The following ADH7 variants were observed in gnomAD, a reference collection of about 807,000 sequenced individuals.
ADH7 encodes the protein alcohol dehydrogenase 7 (class IV), mu or sigma polypeptide.
In ADH7, 41 loss-of-function variants were observed where a neutral mutation model predicts 34.4. The observed-to-expected ratio is 1.19, with a 90% CI of 0.93 to 1.55. The LOEUF is 1.55. Ranked by LOEUF, ADH7 falls within the 40% of genes most tolerant of loss-of-function variation. ADH7 has a pLI of 0.00. For synonymous variants in ADH7, 180 were observed against 160.9 expected (o/e 1.12, Z -0.90); for missense variants, 540 against 461.2 (o/e 1.17, Z -1.56).
intron 1 of ADH7, among the ~76,000 whole-genome samples, chr4:99,430,476 G>T (rs899502131): frequency 6.6e-5 from 10 of 152,162 alleles, no homozygotes; most frequent in Non-Finnish European, 1.3e-4. Context: ...CTCCCAATCT[G>T]TCTAGGACTC....
At chr4:99,421,945 C>A (rs927142156) in intron 5 of ADH7, among the ~76,000 whole-genome samples, 4 of 152,208 alleles carry the variant, frequency 2.6e-5, no homozygotes, top group African/African-American at 9.7e-5. Flanking sequence ...ATCAAAACCA[C>A]CGTGTGATAC....
At chr4:99,434,800 C>T (rs976194233) in intron 1 of ADH7, among the ~76,000 whole-genome samples, 1 of 152,022 alleles carries the variant, frequency 6.6e-6, no homozygotes, top group Non-Finnish European at 1.5e-5. Context: ...ATGGCAGGAA[C>T]GTTTCTTCCA....
intron 1 of ADH7, among the ~76,000 whole-genome samples, chr4:99,431,020 G>A (rs183284308): frequency 2.6e-5 from 4 of 152,060 alleles, no homozygotes; most frequent in South Asian, 2.1e-4. Flanking sequence ...GCATAGTCTC[G>A]ATCTCCTGAC....
At chr4:99,413,943 A>C (rs1440141754) in intron 8 of ADH7, among the ~76,000 whole-genome samples, 1 of 152,188 alleles carries the variant, frequency 6.6e-6, no homozygotes, top group Non-Finnish European at 1.5e-5. Flanking sequence ...ATAATGACTG[A>C]GATAAAAATT....
At chr4:99,423,448 G>A (rs1433731912) in intron 5 of ADH7, among the ~76,000 whole-genome samples, 4 of 151,634 alleles carry the variant, frequency 2.6e-5, no homozygotes, top group East Asian at 1.9e-4. Context: ...CTGAGGAATC[G>A]CCACACTGAC....
Position 99,420,683 on chromosome 4 carries a change from G to GA in ADH7, c.674_675insT (p.Lys226GlnfsTer5), listed in dbSNP as rs769638853. 1.7e-5 allele frequency: 28 copies of GA among 1,613,780 alleles called. No homozygotes were observed. Among genetic ancestry groups the GA allele is most frequent in the Non-Finnish European group, 2.2e-5 (26 of 1,179,934 alleles). On this transcript the variant is annotated frameshift_variant, in exon 6 of 9. Coordinates refer to ENST00000437033, the MANE Select transcript of ADH7 (RefSeq NM_000673.7). LOFTEE classifies it high-confidence loss of function. ...CCATGGCCTTCTCAAATTTGTCTTTGTTGAGGTCAATCCCAATGATCCTAG... is the reference window on the plus strand; with the variant it reads ...CCATGGCCTTCTCAAATTTGTCTTTGATTGAGGTCAATCCCAATGATCCTAG...
At chr4:99,430,596 G>A (rs981433169) in intron 1 of ADH7, among the ~76,000 whole-genome samples, 5 of 152,120 alleles carry the variant, frequency 3.3e-5, no homozygotes, top group Non-Finnish European at 1.5e-5. Flanking sequence ...TGGCTCTTTT[G>A]TAAAAAGGTT....
intron 1 of ADH7, among the ~76,000 whole-genome samples, chr4:99,434,746 T>G (rs1560566113): frequency 6.6e-6 from 1 of 152,142 alleles, no homozygotes; most frequent in African/African-American, 2.4e-5. Context: ...TCATGACACT[T>G]TCTTGGCCAT....
intron 1 of ADH7, among the ~76,000 whole-genome samples, chr4:99,429,938 A>G (rs1396027634): frequency 6.6e-6 from 1 of 152,150 alleles, no homozygotes; most frequent in Non-Finnish European, 1.5e-5. Context: ...TGTTCACATA[A>G]CACCCCCACC....
At position 99,420,628 on chromosome 4, in the gene ADH7, T is replaced by A; in HGVS notation, c.730A>T (p.Lys244Ter). The A allele has an allele frequency of 6.2e-7, 1 of 1,613,940 alleles. No individual in the cohort carries two copies. The highest frequency in any genetic ancestry group is 1.7e-5 in the Admixed American group (1 of 59,948). Reference sequence around the variant, plus strand: ...TCACTGATGGGTTTGGTAGAGTCCTTGGGACTGATACACTCAGTGGCACCT... The same window carrying A: ...TCACTGATGGGTTTGGTAGAGTCCTAGGGACTGATACACTCAGTGGCACCT... ...AVGATECISP[K>*]DSTKPISEVL... Residue 244 changes from lysine to a stop codon, truncating the protein, a stop_gained, in exon 6 of 9, where the codon AAG (lysine) becomes TAG (stop). Coordinates refer to ENST00000437033, the MANE Select transcript of ADH7 (RefSeq NM_000673.7). LOFTEE classifies it high-confidence loss of function.
At chr4:99,418,537 T>A (rs1411428113) in intron 7 of ADH7, among the ~76,000 whole-genome samples, 1 of 152,188 alleles carries the variant, frequency 6.6e-6, no homozygotes, top group Non-Finnish European at 1.5e-5. Flanking sequence ...GTCCTTCCAG[T>A]GTGAATCTGA....
intron 7 of ADH7, among the ~76,000 whole-genome samples, chr4:99,417,102 T>C (rs1721537897): frequency 2.6e-5 from 4 of 152,130 alleles, no homozygotes; most frequent in Admixed American, 6.6e-5. Context: ...ACTTCTTCCA[T>C]GCTCTCCCTG....
At chr4:99,420,059 G>C (rs889918792) in intron 6 of ADH7, among the ~76,000 whole-genome samples, 3 of 152,114 alleles carry the variant, frequency 2.0e-5, no homozygotes, top group African/African-American at 7.2e-5. Flanking sequence ...TATTCTAAGG[G>C]AATTCAGATG....
Position 99,412,918 on chromosome 4 carries a change from C to T in ADH7, c.*230G>A. ...CTTAAAAGATACAATTATAGCCTTA[C>T]AAAATGTAAATCAAAAATATTAACA... On this transcript the variant is annotated 3_prime_UTR_variant, in exon 9 of 9. Transcript: ENST00000437033. The T allele has an allele frequency of 2.3e-6, 1 of 427,798 alleles. No homozygotes were observed. The highest frequency in any genetic ancestry group is 4.1e-6 in the Non-Finnish European group (1 of 241,546). 26.5% of individuals were successfully genotyped at this position (427,798 alleles called of 1,614,324 possible).
intron 8 of ADH7, among the ~76,000 whole-genome samples, chr4:99,414,602 C>A (rs576241708): frequency 1.2e-3 from 186 of 152,254 alleles, no homozygotes; most frequent in African/African-American, 3.8e-3. Flanking sequence ...CCAAAGCTTG[C>A]CAAGCTCTGT....
intron 7 of ADH7, among the ~76,000 whole-genome samples, chr4:99,417,753 A>T (rs1390026284): frequency 6.6e-5 from 10 of 152,150 alleles, no homozygotes; most frequent in Admixed American, 6.6e-4. Flanking sequence ...CACTCAACAA[A>T]TATTTGCTGA....
intron 5 of ADH7, among the ~76,000 whole-genome samples, chr4:99,421,408 C>A (rs547034306): frequency 8.9e-4 from 136 of 152,292 alleles, no homozygotes; most frequent in African/African-American, 3.1e-3. Flanking sequence ...GGAAAGGATT[C>A]CCTATTTAAT....
chr4:99,414,379 T>C (rs1340943908), intron 8 of ADH7, among the ~76,000 whole-genome samples: 1 of 152,154 alleles, frequency 6.6e-6, no homozygotes, highest in Non-Finnish European at 1.5e-5. Flanking sequence ...ACTAATGAAA[T>C]CCACGTCCTT....
intron 1 of ADH7, among the ~76,000 whole-genome samples, chr4:99,433,155 G>A (rs748512174): frequency 3.3e-5 from 5 of 152,188 alleles, no homozygotes; most frequent in South Asian, 2.1e-4. Flanking sequence ...AGGCTACCTC[G>A]AAGAAATATT....
Sources: gnomAD v4.1 joint callset for allele counts (sites outside exome capture counted in the v4.1 genomes callset) on GRCh38, gnomAD v4.1.1 for gene constraint, MANE v1.5 for transcripts, NCBI Gene and HGNC (gene_info 2026-07-23, HGNC 2026-07-21) for gene names.